Variants in GRID2 observed in about 807,000 individuals in gnomAD.
The protein encoded by GRID2 is glutamate ionotropic receptor delta type subunit 2.
In GRID2, 33 loss-of-function variants were observed where a neutral mutation model predicts 114.8. The observed-to-expected ratio is 0.29, with a 90% CI of 0.22 to 0.38. The LOEUF is 0.38. Among genes scored for constraint, GRID2 ranks in the 10% least tolerant of loss-of-function variants. The probability of loss-of-function intolerance (pLI) is 1.00; values close to 1 mark genes in which losing one functional copy is unlikely to be tolerated. For missense variants in GRID2, 1,184 were observed against 1,257.7 expected, an observed-to-expected ratio of 0.94 and a Z score of 0.89; for synonymous variants, 505 against 449.9, an observed-to-expected ratio of 1.12 and a Z score of -1.55.
rs540671014 is a variant in GRID2 at position 93,426,635 on chromosome 4, C to G, written c.1545+3667C>G. ...AAGTATGTTAATGGTAAGATCACTT[C>G]CAAATACTATGTTTTGAAAATATAA... On this transcript the variant is annotated intron_variant, in intron 10 of 15. Coordinates refer to ENST00000282020, the MANE Select transcript of GRID2 (RefSeq NM_001510.4). Among the ~76,000 whole-genome samples the G allele has an allele frequency of 3.3e-5, 5 of 152,080 alleles. No homozygotes were observed. In the South Asian group the frequency reaches 1.0e-3, roughly 32 times the overall value.
intron 2 of GRID2, among the ~76,000 whole-genome samples, chr4:92,821,268 G>A (rs1021050494): frequency 1.3e-5 from 2 of 152,122 alleles, no homozygotes; most frequent in African/African-American, 4.8e-5. Flanking sequence ...GCGACATTAA[G>A]AAGCACACCA....
At chr4:93,424,849 T>A (rs1370297198) in intron 10 of GRID2, among the ~76,000 whole-genome samples, 1 of 152,158 alleles carries the variant, frequency 6.6e-6, no homozygotes, top group Non-Finnish European at 1.5e-5. Flanking sequence ...GCCTTGCTTG[T>A]TTTATTAAGA....
At chr4:93,619,049 T>TA (rs1300374242) in intron 13 of GRID2, among the ~76,000 whole-genome samples, 5 of 152,228 alleles carry the variant, frequency 3.3e-5, no homozygotes, top group Non-Finnish European at 7.3e-5. Context: ...TTGATTTTTT[T>TA]AAAAAAGTTG....
chr4:93,697,439 G>T (rs1402240516), intron 14 of GRID2, among the ~76,000 whole-genome samples: 1 of 152,030 alleles, frequency 6.6e-6, no homozygotes, highest in Non-Finnish European at 1.5e-5. Context: ...CATAGCAGAT[G>T]ACGGTCACTT....
At chr4:93,392,652 T>C (rs377270225) in intron 8 of GRID2, among the ~76,000 whole-genome samples, 13 of 152,172 alleles carry the variant, frequency 8.5e-5, no homozygotes, top group South Asian at 6.2e-4. Flanking sequence ...TTTGGGAGGC[T>C]GAGGTGGGAG....
intron 14 of GRID2, among the ~76,000 whole-genome samples, chr4:93,647,884 G>T (rs780869167): frequency 6.6e-6 from 1 of 152,168 alleles, no homozygotes; most frequent in Non-Finnish European, 1.5e-5. Context: ...CATTTATTAA[G>T]TGCCAGCTAC....
At chr4:92,705,968 C>T (rs547559746) in intron 2 of GRID2, among the ~76,000 whole-genome samples, 1 of 152,242 alleles carries the variant, frequency 6.6e-6, no homozygotes, top group African/African-American at 2.4e-5. Context: ...CCAGCATTCT[C>T]ATTATTAGAG....
intron 12 of GRID2, among the ~76,000 whole-genome samples, chr4:93,501,859 C>A (rs953511875): frequency 4.6e-5 from 7 of 151,980 alleles, no homozygotes; most frequent in African/African-American, 9.7e-5. Context: ...TTCTCTTTTT[C>A]TCTTTCTTCC....
At chr4:92,790,702 G>A (rs1234035414) in intron 2 of GRID2, among the ~76,000 whole-genome samples, 1 of 148,836 alleles carries the variant, frequency 6.7e-6, no homozygotes, top group Non-Finnish European at 1.5e-5. Flanking sequence ...ACATGCATGA[G>A]CTACTGTGCC....
At chr4:92,614,547 G>T (rs946620331) in intron 2 of GRID2, among the ~76,000 whole-genome samples, 1 of 151,368 alleles carries the variant, frequency 6.6e-6, no homozygotes, top group Non-Finnish European at 1.5e-5. Context: ...CTTTATTTCT[G>T]TTTTTTCCCT....
At chr4:92,322,841 C>G (rs1057264618) in intron 1 of GRID2, among the ~76,000 whole-genome samples, 3 of 152,044 alleles carry the variant, frequency 2.0e-5, no homozygotes, top group African/African-American at 7.2e-5. Flanking sequence ...AGGACTTTTA[C>G]TTTTTCCTTC....
At chr4:93,420,737 T>C in intron 9 of GRID2, among the ~76,000 whole-genome samples, 1 of 57,664 alleles carries the variant, frequency 1.7e-5, no homozygotes, top group South Asian at 6.1e-4. Context: ...TTTACTTATT[T>C]ATTTATTTAT....
chr4:92,934,728 A>C (rs1750520338), intron 2 of GRID2, among the ~76,000 whole-genome samples: 1 of 146,688 alleles, frequency 6.8e-6, no homozygotes, highest in South Asian at 2.3e-4. Flanking sequence ...CTCAGAAATA[A>C]CACTGCATGT....
At chr4:92,578,098 C>A (rs62310090) in intron 1 of GRID2, among the ~76,000 whole-genome samples, 35,646 of 111,416 alleles carry the variant, frequency 0.32, 5,660 homozygotes, top group Middle Eastern at 0.41. Context: ...TCTTCTTCTT[C>A]TTCTTCTTCT....
At chr4:93,175,132 A>G (rs1363899271) in intron 4 of GRID2, among the ~76,000 whole-genome samples, 1 of 151,350 alleles carries the variant, frequency 6.6e-6, no homozygotes, top group African/African-American at 2.4e-5. Flanking sequence ...ACAGCATTCA[A>G]TGTTATCATT....
At chr4:93,117,793 G>T (rs1733416189) in intron 4 of GRID2, among the ~76,000 whole-genome samples, 1 of 152,156 alleles carries the variant, frequency 6.6e-6, no homozygotes. Context: ...GATAAGCTAT[G>T]TATAGGCAAG....
chr4:93,137,401 T>C (rs1274247218), intron 4 of GRID2, among the ~76,000 whole-genome samples: 2 of 152,166 alleles, frequency 1.3e-5, no homozygotes, highest in Non-Finnish European at 2.9e-5. Flanking sequence ...CAATCTTCCA[T>C]TTTATACGAC....
chr4:92,877,192 T>C lies in GRID2; in HGVS notation c.245-207803T>C, dbSNP rs145023439. ...CAAGGAAATGAGAAAAATTTTGCCT[T>C]CTTATTCCTTGTTGAATCAAGGCAG... On this transcript the variant is annotated intron_variant, in intron 2 of 15. Transcript: ENST00000282020. Among the ~76,000 whole-genome samples the C allele has an allele frequency of 4.2e-3, 639 of 152,318 alleles. 8 individuals are homozygous for C. Among genetic ancestry groups the C allele is most frequent in the African/African-American group, 0.015 (603 of 41,576 alleles).
intron 12 of GRID2, among the ~76,000 whole-genome samples, chr4:93,503,580 G>GT: frequency 6.7e-6 from 1 of 149,762 alleles, no homozygotes; most frequent in Non-Finnish European, 1.5e-5. Context: ...GCGGTGTTCG[G>GT]TTTTTTGTCC....
Sources: allele counts gnomAD v4.1 joint callset (sites outside exome capture counted in the v4.1 genomes callset), GRCh38; gene constraint gnomAD v4.1.1; transcripts MANE v1.5; gene names NCBI Gene and HGNC (gene_info 2026-07-23, HGNC 2026-07-21).